The following CLEC2A variants were observed in gnomAD, a reference collection of about 807,000 sequenced individuals.
CLEC2A encodes the protein keratinocyte-associated C-type lectin.
In CLEC2A, 19 loss-of-function variants were observed where a neutral mutation model predicts 18.6. The ratio of observed to expected loss-of-function variants is 1.02; its 90% confidence interval spans 0.71 to 1.50. The LOEUF is 1.50. CLEC2A is among the 40% of genes most tolerant of loss of function. CLEC2A has a pLI of 0.00. For synonymous variants in CLEC2A, 74 were observed against 64.0 expected, an observed-to-expected ratio of 1.16 and a Z score of -0.75; for missense variants, 190 against 207.9, an observed-to-expected ratio of 0.91 and a Z score of 0.53.
chr12:9,894,591 G>C (rs568349137), downstream of CLEC2A, among the ~76,000 whole-genome samples: 2 of 152,096 alleles, frequency 1.3e-5, no homozygotes, highest in Non-Finnish European at 2.9e-5. Context: ...AATTCTGAAG[G>C]GTCACGTTTA....
chr12:9,918,400 G>T (rs1333363443), intron 3 of CLEC2A, among the ~76,000 whole-genome samples: 1 of 152,174 alleles, frequency 6.6e-6, no homozygotes, highest in Non-Finnish European at 1.5e-5. Context: ...TCAAAGATCA[G>T]ATGGTCGTAG....
At chr12:9,912,576 T>C (rs1233883455), downstream of CLEC2A, among the ~76,000 whole-genome samples, 1 of 151,780 alleles carries the variant, frequency 6.6e-6, no homozygotes, top group Non-Finnish European at 1.5e-5. Context: ...CAGCTAAAGA[T>C]GGTGTTCTTG....
At chr12:9,880,339 G>A in the CLEC2A span, among the ~76,000 whole-genome samples, 2 of 152,218 alleles carry the variant, frequency 1.3e-5, no homozygotes, top group East Asian at 3.8e-4. Context: ...GACGCGGCGT[G>A]TGTAAATATT....
downstream of CLEC2A, among the ~76,000 whole-genome samples, chr12:9,896,858 ATTTTT>A (rs764556099): frequency 7.4e-6 from 1 of 135,952 alleles, no homozygotes; most frequent in African/African-American, 2.8e-5. Context: ...CAGTCTCTTA[ATTTTT>A]TTTTTTTTTT....
At chr12:9,924,678 A>G (rs562300687) in intron 2 of CLEC2A, among the ~76,000 whole-genome samples, 1 of 152,202 alleles carries the variant, frequency 6.6e-6, no homozygotes, top group African/African-American at 2.4e-5. Flanking sequence ...TGCAATTCCA[A>G]TGAGACAGTC....
chr12:9,878,525 G>C, the CLEC2A span, among the ~76,000 whole-genome samples: 1 of 152,224 alleles, frequency 6.6e-6, no homozygotes, highest in Admixed American at 6.5e-5. Flanking sequence ...TAACTATATA[G>C]AGAACACTGA....
downstream of CLEC2A, chr12:9,895,674 T>C: frequency 6.6e-7 from 1 of 1,505,454 alleles, no homozygotes; most frequent in East Asian, 2.5e-5. Context: ...GAAAAATCTG[T>C]CCTTTGTCTC....
At chr12:9,896,510 C>T (rs778359516), downstream of CLEC2A, among the ~76,000 whole-genome samples, 3 of 150,434 alleles carry the variant, frequency 2.0e-5, no homozygotes, top group African/African-American at 7.3e-5. Context: ...GAAATATGTA[C>T]GGATGTTAAC....
intron 2 of CLEC2A, among the ~76,000 whole-genome samples, chr12:9,922,999 C>T (rs1422713136): frequency 6.6e-6 from 1 of 152,110 alleles, no homozygotes; most frequent in African/African-American, 2.4e-5. Flanking sequence ...TAATGTGTTT[C>T]AACTCTGTCT....
intron 4 of CLEC2A, among the ~76,000 whole-genome samples, chr12:9,903,739 T>C (rs1490233860): frequency 6.6e-6 from 1 of 152,172 alleles, no homozygotes; most frequent in East Asian, 1.9e-4. Context: ...ATGTAATTTA[T>C]CCAATTTACA....
intron 4 of CLEC2A, among the ~76,000 whole-genome samples, chr12:9,903,513 G>A (rs11053507): frequency 0.68 from 102,750 of 152,044 alleles, 35,084 homozygotes; most frequent in African/African-American, 0.75. Context: ...AAGACATTGT[G>A]ATGCTTTTGT....
chr12:9,907,497 C>T (rs962262499), intron 4 of CLEC2A, among the ~76,000 whole-genome samples: 1 of 152,150 alleles, frequency 6.6e-6, no homozygotes, highest in African/African-American at 2.4e-5. Context: ...CGGGTCCCAT[C>T]CTTCATTTGC....
At chr12:9,912,430 G>A (rs1297814822), downstream of CLEC2A, among the ~76,000 whole-genome samples, 1 of 152,082 alleles carries the variant, frequency 6.6e-6, no homozygotes, top group Non-Finnish European at 1.5e-5. Context: ...GGGTTTGGGG[G>A]CATGTTTCCC....
At chr12:9,885,685 A>G in the CLEC2A span, among the ~76,000 whole-genome samples, 10 of 152,024 alleles carry the variant, frequency 6.6e-5, no homozygotes, top group African/African-American at 2.4e-4. Flanking sequence ...TCCCAATACA[A>G]CAAGGGAAAA....
chr12:9,904,322 C>T (rs747948698), intron 4 of CLEC2A, among the ~76,000 whole-genome samples: 3 of 152,070 alleles, frequency 2.0e-5, no homozygotes, highest in Non-Finnish European at 4.4e-5. Context: ...TGTGCCTGGT[C>T]GGCTGGAGGA....
chr12:9,898,220 T>A (rs899855570), downstream of CLEC2A, among the ~76,000 whole-genome samples: 3 of 152,344 alleles, frequency 2.0e-5, no homozygotes, highest in Non-Finnish European at 2.9e-5. Context: ...ATAGAACTGA[T>A]ATTCATGACT....
At chr12:9,901,723 C>T (rs2137014466) in intron 4 of CLEC2A, among the ~76,000 whole-genome samples, 1 of 151,372 alleles carries the variant, frequency 6.6e-6, no homozygotes, top group Middle Eastern at 3.4e-3. Flanking sequence ...AGATTTAAAA[C>T]ACTGATAATA....
At chr12:9,894,060 CTCTTTT>C (rs1565524005), downstream of CLEC2A, among the ~76,000 whole-genome samples, 1 of 151,480 alleles carries the variant, frequency 6.6e-6, no homozygotes, top group Non-Finnish European at 1.5e-5. Context: ...CTTTCTCTTT[CTCTTTT>C]TTCTTTCTCT....
the CLEC2A span, among the ~76,000 whole-genome samples, chr12:9,885,679 A>C: frequency 6.6e-6 from 1 of 152,014 alleles, no homozygotes; most frequent in African/African-American, 2.4e-5. Flanking sequence ...TGTTTTTCCC[A>C]ATACAACAAG....
Sources: allele counts gnomAD v4.1 joint callset (sites outside exome capture counted in the v4.1 genomes callset), GRCh38; gene constraint gnomAD v4.1.1; transcripts MANE v1.5; gene names NCBI Gene and HGNC (gene_info 2026-07-23, HGNC 2026-07-21).